Variants in RERG observed in about 807,000 individuals in gnomAD.
The protein encoded by RERG is RAS like estrogen regulated growth inhibitor.
A neutral mutation model predicts 23.2 loss-of-function variants in RERG; 25 were observed. The ratio of observed to expected loss-of-function variants is 1.08; its 90% CI spans 0.79 to 1.50. RERG has a LOEUF of 1.50. Among genes scored for constraint, RERG ranks in the 40% most tolerant of loss-of-function variants. The pLI is 0.00. For synonymous variants in RERG, 81 were observed against 89.1 expected (o/e 0.91, Z 0.51); for missense variants, 253 against 250.1 (o/e 1.01, Z -0.08).
In RERG at chr12:15,109,397, T is replaced by G; in HGVS notation, c.313A>C (p.Ile105Leu). ...VLPLKNILDE[I>L]KKPKNVTLIL... The stretch of plus-strand genomic sequence containing the variant: ...AGAGTCACATTCTTGGGCTTTTTGA[T>G]CTCATCTAGGATGTTCTTAAGTGGC... The change falls in exon 5 of 5, where the codon ATC becomes CTC. Residue 105 changes from isoleucine to leucine, a missense_variant. Transcript: ENST00000256953. 1 of 1,614,034 alleles carries G rather than the reference T, an allele frequency of 6.2e-7. No individual in the cohort carries two copies. The highest frequency in any genetic ancestry group is 8.5e-7 in the Non-Finnish European group (1 of 1,179,998).
rs550351018 is a variant in RERG, at chr12:15,164,594, G to T, written c.62-43475C>A. 2.6e-4 allele frequency among the ~76,000 whole-genome samples: 40 copies of T among 152,316 alleles called. No individual in the cohort carries two copies. In the South Asian group the frequency reaches 4.4e-3, roughly 17 times the overall value. ...TTCCACCCACCCATTGGACCGCCTT[G>T]ATATAGTCAACAGCAGAATTTTCTA... On this transcript the variant is annotated intron_variant, in intron 2 of 4. Transcript: ENST00000256953.
intron 2 of RERG, among the ~76,000 whole-genome samples, chr12:15,170,347 G>C (rs1235176841): frequency 6.6e-6 from 1 of 152,038 alleles, no homozygotes; most frequent in African/African-American, 2.4e-5. Context: ...TGTGTGTAGG[G>C]GGAAGGGAGT....
chr12:15,118,843 T>C (rs1005362409), intron 3 of RERG, among the ~76,000 whole-genome samples: 5 of 152,100 alleles, frequency 3.3e-5, no homozygotes, highest in African/African-American at 1.2e-4. Flanking sequence ...TGCAGAACCA[T>C]GAGCCAATTA....
chr12:15,201,926 A>G (rs1865223155), intron 2 of RERG, among the ~76,000 whole-genome samples: 1 of 151,674 alleles, frequency 6.6e-6, no homozygotes, highest in Admixed American at 6.6e-5. Flanking sequence ...TTCCAAACAC[A>G]TGGTCCTGCC....
chr12:15,121,947 T>A (rs1168288907), intron 2 of RERG, among the ~76,000 whole-genome samples: 1 of 152,150 alleles, frequency 6.6e-6, no homozygotes, highest in South Asian at 2.1e-4. Flanking sequence ...ATATGTGGAC[T>A]CTATTGTCCT....
chr12:15,214,587 T>C (rs892430118), intron 2 of RERG, among the ~76,000 whole-genome samples: 8 of 152,210 alleles, frequency 5.3e-5, no homozygotes, highest in Non-Finnish European at 1.0e-4. Context: ...AGTAGAAAGA[T>C]AAATGTGTGA....
intron 2 of RERG, among the ~76,000 whole-genome samples, chr12:15,171,697 T>C (rs12815540): frequency 0.084 from 12,725 of 152,192 alleles, 615 homozygotes; most frequent in East Asian, 0.25. Flanking sequence ...GGTCTTGAAA[T>C]TTCAATAAAA....
intron 2 of RERG, among the ~76,000 whole-genome samples, chr12:15,154,494 T>A (rs1864492454): frequency 6.6e-6 from 1 of 152,212 alleles, no homozygotes; most frequent in Admixed American, 6.5e-5. Flanking sequence ...CAGAAAAGAA[T>A]CAGGGATTGA....
At chr12:15,154,392 G>A (rs2136109462) in intron 2 of RERG, 1 of 152,294 alleles carries the variant, frequency 6.6e-6, no homozygotes, top group Non-Finnish European at 1.5e-5. Flanking sequence ...GGGCAAATCT[G>A]TTGGAAAAAC....
At chr12:15,182,866 G>A (rs7309008) in intron 2 of RERG, among the ~76,000 whole-genome samples, 10,732 of 152,180 alleles carry the variant, frequency 0.071, 504 homozygotes, top group East Asian at 0.25. Flanking sequence ...CTTGAGGCCA[G>A]GAGTTTGAAA....
In RERG at chr12:15,108,204, G is replaced by T. The variant is rs1479785194; in HGVS notation, c.*906C>A. On this transcript the variant is annotated 3_prime_UTR_variant, in exon 5 of 5. Transcript: ENST00000256953. Reference sequence around the variant, plus strand: ...GAGGCTAATTTTTCTTACTGTACCTGGCTCAAAGTCTAGACTTCCCAATGG... The same window carrying T: ...GAGGCTAATTTTTCTTACTGTACCTTGCTCAAAGTCTAGACTTCCCAATGG... 1 of 152,128 alleles carries T rather than the reference G, an allele frequency of 6.6e-6. No homozygotes were observed. Among genetic ancestry groups the T allele is most frequent in the Non-Finnish European group, 1.5e-5 (1 of 67,990 alleles). 9.4% of individuals were successfully genotyped at this position (152,128 alleles called of 1,614,324 possible). A position where few individuals can be genotyped will look rare whatever the true frequency, so the allele number is the denominator to read the frequency against.
intron 2 of RERG, among the ~76,000 whole-genome samples, chr12:15,148,847 GTTTTTTTTTTTTTTTTTT>G (rs56033971): frequency 6.1e-4 from 28 of 45,558 alleles, no homozygotes; most frequent in East Asian, 2.8e-3. Context: ...CTTTAACTCT[GTTTTTTTTTTTTTTTTTT>G]TTTTTTTTTT....
intron 2 of RERG, among the ~76,000 whole-genome samples, chr12:15,210,293 C>T (rs192307123): frequency 6.6e-6 from 1 of 152,262 alleles, no homozygotes; most frequent in Admixed American, 6.5e-5. Flanking sequence ...TAATAGATAG[C>T]TGGTATTTAA....
At chr12:15,192,239 G>A (rs753646700) in intron 2 of RERG, among the ~76,000 whole-genome samples, 7 of 152,076 alleles carry the variant, frequency 4.6e-5, no homozygotes, top group Non-Finnish European at 7.4e-5. Flanking sequence ...CCTGCTATGC[G>A]ATATGCCTGC....
At chr12:15,129,466 A>G (rs1864006043) in intron 2 of RERG, among the ~76,000 whole-genome samples, 1 of 152,204 alleles carries the variant, frequency 6.6e-6, no homozygotes. Context: ...TTCTCCACAC[A>G]TGTGACTTTC....
chr12:15,211,008 T>C (rs568636457), intron 2 of RERG, among the ~76,000 whole-genome samples: 1 of 152,328 alleles, frequency 6.6e-6, no homozygotes, highest in East Asian at 1.9e-4. Context: ...ATAGGATTTC[T>C]GGTAGTCCTT....
intron 2 of RERG, among the ~76,000 whole-genome samples, chr12:15,179,837 G>C (rs898270346): frequency 4.6e-5 from 7 of 152,148 alleles, no homozygotes; most frequent in Non-Finnish European, 7.4e-5. Flanking sequence ...CATTATCACA[G>C]CTTGCACACT....
chr12:15,142,621 C>G (rs1031719409), intron 2 of RERG, among the ~76,000 whole-genome samples: 9 of 151,944 alleles, frequency 5.9e-5, no homozygotes, highest in Non-Finnish European at 1.2e-4. Context: ...TATCAATTGG[C>G]CTCTTCTTTA....
chr12:15,112,252 A>C (rs1863633661), intron 3 of RERG: 1 of 152,262 alleles, frequency 6.6e-6, no homozygotes. Context: ...ATGATGTAAA[A>C]CTACGAGAAA....
Sources: allele counts gnomAD v4.1 joint callset (sites outside exome capture counted in the v4.1 genomes callset), GRCh38; gene constraint gnomAD v4.1.1; transcripts MANE v1.5; gene names NCBI Gene and HGNC (gene_info 2026-07-23, HGNC 2026-07-21).